Variants in STAG1 observed in about 807,000 individuals in gnomAD.
STAG1 encodes the protein STAG1 cohesin complex component.
STAG1 carries 26 observed loss-of-function variants against 170.9 expected under a neutral mutation model. The ratio of observed to expected loss-of-function variants is 0.15; its 90% CI spans 0.11 to 0.21. The LOEUF (loss-of-function observed/expected upper bound fraction) is 0.21. Ranked by LOEUF, STAG1 falls within the 10% of genes least tolerant of loss-of-function variation. The pLI is 1.00. For synonymous variants in STAG1, 514 were observed against 497.7 expected (o/e 1.03, Z -0.44); for missense variants, 964 against 1,509.5 (o/e 0.64, Z 5.99).
At chr3:136,691,932 A>T (rs1056195702) in intron 1 of STAG1, among the ~76,000 whole-genome samples, 5 of 152,210 alleles carry the variant, frequency 3.3e-5, no homozygotes, top group Admixed American at 6.5e-5. Context: ...GTCCTGAGGC[A>T]TAAGTCTAAA....
chr3:136,490,092 G>T (rs2090094960), intron 9 of STAG1, among the ~76,000 whole-genome samples: 1 of 152,034 alleles, frequency 6.6e-6, no homozygotes, highest in Admixed American at 6.6e-5. Context: ...CCAGGCTGGA[G>T]TGCAGTGGCA....
At chr3:136,604,082 T>A (rs916111004) in intron 4 of STAG1, among the ~76,000 whole-genome samples, 1 of 151,444 alleles carries the variant, frequency 6.6e-6, no homozygotes, top group Non-Finnish European at 1.5e-5. Context: ...CAGCTTCTAG[T>A]AGACCTTTTT....
chr3:136,540,099 T>C (rs1042379588), intron 6 of STAG1, among the ~76,000 whole-genome samples: 6 of 152,128 alleles, frequency 3.9e-5, no homozygotes, highest in Non-Finnish European at 5.9e-5. Context: ...AAATGACATA[T>C]ATAGTCTTTT....
intron 9 of STAG1, among the ~76,000 whole-genome samples, chr3:136,498,278 C>T (rs868597341): frequency 0.2 from 20,027 of 100,540 alleles, 2,784 homozygotes; most frequent in Non-Finnish European, 0.25. Context: ...ACACACCACA[C>T]ACACATACAC....
In STAG1 at chr3:136,542,203, A is replaced by G. The variant is rs746224826; in HGVS notation, c.395-8T>C. 5.0e-6 allele frequency: 8 copies of G among 1,598,252 alleles called. No individual in the cohort carries two copies. Among genetic ancestry groups the G allele is most frequent in the Non-Finnish European group, 6.0e-6 (7 of 1,172,298 alleles). On this transcript the variant is annotated splice_polypyrimidine_tract_variant and splice_region_variant and intron_variant, in intron 5 of 33. Transcript: ENST00000383202. The stretch of plus-strand genomic sequence containing the variant: ...TCTCTATTCTCACAGTACCTGTGGA[A>G]CAACAGATTTTACATTAATCTTTCA...
chr3:136,647,313 G>GT (rs1941063188), intron 1 of STAG1, among the ~76,000 whole-genome samples: 1 of 152,218 alleles, frequency 6.6e-6, no homozygotes, highest in South Asian at 2.1e-4. Flanking sequence ...ACTCATGCCT[G>GT]TAATCCCAGC....
At chr3:136,386,158 A>C (rs1375104698) in intron 22 of STAG1, among the ~76,000 whole-genome samples, 1 of 152,070 alleles carries the variant, frequency 6.6e-6, no homozygotes, top group Admixed American at 6.6e-5. Context: ...CAATATGGTG[A>C]AACACCGTCT....
chr3:136,385,949 G>A lies in STAG1; in HGVS notation c.2278-8197C>T, dbSNP rs186726897. On this transcript the variant is annotated intron_variant, in intron 22 of 33. Transcript: ENST00000383202. Reference sequence around the variant, plus strand: ...ACTCCTGGGCTCAAACAATCCTCCCGCCTCAGCCTCTCAAAGCGCTGGGCT... The same window carrying A: ...ACTCCTGGGCTCAAACAATCCTCCCACCTCAGCCTCTCAAAGCGCTGGGCT... 2.7e-4 allele frequency among the ~76,000 whole-genome samples: 41 copies of A among 152,252 alleles called. 1 individual carries two copies. Among genetic ancestry groups the A allele is most frequent in the African/African-American group, 4.6e-4 (19 of 41,544 alleles).
At chr3:136,535,445 T>C (rs1483646497) in intron 6 of STAG1, among the ~76,000 whole-genome samples, 1 of 152,174 alleles carries the variant, frequency 6.6e-6, no homozygotes, top group Non-Finnish European at 1.5e-5. Context: ...GGTGGATCAC[T>C]TGAGGACAGG....
intron 5 of STAG1, among the ~76,000 whole-genome samples, chr3:136,547,816 CTA>C (rs1453010267): frequency 2.0e-5 from 3 of 152,130 alleles, no homozygotes; most frequent in Admixed American, 6.5e-5. Flanking sequence ...TCTTTTCTCC[CTA>C]TGTTTTCTTC....
chr3:136,698,020 GA>G (rs1367794691), intron 1 of STAG1, among the ~76,000 whole-genome samples: 11 of 144,858 alleles, frequency 7.6e-5, no homozygotes, highest in East Asian at 5.9e-4. Flanking sequence ...TACGTCTTGG[GA>G]AAAAAAAAAG....
At chr3:136,712,204 G>C (rs1943402538) in intron 1 of STAG1, among the ~76,000 whole-genome samples, 1 of 152,108 alleles carries the variant, frequency 6.6e-6, no homozygotes, top group African/African-American at 2.4e-5. Flanking sequence ...TTTTAGTAGA[G>C]ACAGAATTTC....
At chr3:136,418,241 T>A (rs918174012) in intron 20 of STAG1, among the ~76,000 whole-genome samples, 96 of 151,210 alleles carry the variant, frequency 6.3e-4, no homozygotes, top group African/African-American at 2.3e-3. Context: ...ATGACTGTAG[T>A]CCCAGCTACT....
intron 6 of STAG1, among the ~76,000 whole-genome samples, chr3:136,523,254 T>C (rs1934787113): frequency 6.6e-6 from 1 of 152,172 alleles, no homozygotes; most frequent in South Asian, 2.1e-4. Flanking sequence ...TTTTAATGAT[T>C]GCCATTCTAA....
chr3:136,433,680 T>C (rs763596530), intron 15 of STAG1, 21 bp from the exon 16 acceptor site: 2 of 1,510,518 alleles, frequency 1.3e-6, no homozygotes, highest in Non-Finnish European at 1.8e-6. Flanking sequence ...ACAAAATACA[T>C]GAGCATGAGT....
intron 8 of STAG1, among the ~76,000 whole-genome samples, chr3:136,501,078 T>C (rs919249279): frequency 1.3e-5 from 2 of 152,234 alleles, no homozygotes; most frequent in African/African-American, 4.8e-5. Flanking sequence ...TATGCTTTGT[T>C]TCAGGCTTTA....
intron 30 of STAG1, 66 bp downstream of exon 30, chr3:136,343,766 T>C (rs1312835351): frequency 7.4e-7 from 1 of 1,345,622 alleles, no homozygotes; most frequent in East Asian, 2.5e-5. Flanking sequence ...ACAAATAAAG[T>C]TTTTCTTAAA....
intron 1 of STAG1, among the ~76,000 whole-genome samples, chr3:136,632,352 G>A (rs1222727260): frequency 6.6e-6 from 1 of 152,174 alleles, no homozygotes; most frequent in Non-Finnish European, 1.5e-5. Flanking sequence ...AAAATTTGGT[G>A]AGAAGGCACT....
rs559343727 is a variant in STAG1, at chr3:136,464,305, C to A, written c.1313+576G>T. Among the ~76,000 whole-genome samples, 10 of 152,070 alleles carry A rather than the reference C, an allele frequency of 6.6e-5. No individual in the cohort carries two copies. In the South Asian group the frequency reaches 2.1e-3, roughly 32 times the overall value. On this transcript the variant is annotated intron_variant, in intron 13 of 33. Coordinates refer to ENST00000383202, the MANE Select transcript of STAG1 (RefSeq NM_005862.3). ...GGGCAGGGTGGCGCATGCCTGTAATCCCAGCTACTTGGGAAGCTGAGGTAG... is the reference window on the plus strand; with the variant it reads ...GGGCAGGGTGGCGCATGCCTGTAATACCAGCTACTTGGGAAGCTGAGGTAG...
Sources: allele counts gnomAD v4.1 joint callset (sites outside exome capture counted in the v4.1 genomes callset), GRCh38; gene constraint gnomAD v4.1.1; transcripts MANE v1.5; gene names NCBI Gene and HGNC (gene_info 2026-07-23, HGNC 2026-07-21).